Variants in KIAA1217 observed in about 807,000 individuals in gnomAD.
KIAA1217 encodes KIAA1217, also known as sickle tail protein homolog.
KIAA1217 carries 88 observed loss-of-function variants against 163.9 expected under a neutral mutation model. The ratio of observed to expected loss-of-function variants is 0.54; its 90% CI spans 0.45 to 0.64. KIAA1217 has a LOEUF of 0.64. Among genes scored for constraint, KIAA1217 ranks in the 30% least tolerant of loss-of-function variants. KIAA1217 has a pLI of 0.00. For synonymous variants in KIAA1217, 903 were observed against 923.1 expected, an observed-to-expected ratio of 0.98 and a Z score of 0.39; for missense variants, 2,372 against 2,475.0, an observed-to-expected ratio of 0.96 and a Z score of 0.88.
chr10:24,293,639 T>C (rs558001217), intron 2 of KIAA1217, among the ~76,000 whole-genome samples: 61 of 152,350 alleles, frequency 4.0e-4, no homozygotes, highest in Admixed American at 2.2e-3. Context: ...CCTTTGGACT[T>C]GGAGTTCCAG....
At chr10:23,961,909 CT>C (rs1291585840) in intron 1 of KIAA1217, among the ~76,000 whole-genome samples, 18 of 152,118 alleles carry the variant, frequency 1.2e-4, no homozygotes, top group African/African-American at 3.6e-4. Flanking sequence ...CTCTATGTAC[CT>C]GTTTCTGTGT....
intron 11 of KIAA1217, among the ~76,000 whole-genome samples, chr10:24,520,643 AAAAAAAAAATATATATAT>A (rs1417025081): frequency 5.7e-5 from 5 of 88,190 alleles, no homozygotes; most frequent in African/African-American, 3.0e-4. Flanking sequence ...AAAAAAAAAA[AAAAAAAAAATATATATAT>A]ATATATATAT....
intron 1 of KIAA1217, among the ~76,000 whole-genome samples, chr10:23,787,224 G>A (rs1835532729): frequency 6.6e-6 from 1 of 152,098 alleles, no homozygotes; most frequent in South Asian, 2.1e-4. Context: ...TTTAAATATG[G>A]AGTGTGATAA....
At chr10:23,920,002 G>C (rs145071986) in intron 1 of KIAA1217, among the ~76,000 whole-genome samples, 1 of 152,250 alleles carries the variant, frequency 6.6e-6, no homozygotes, top group East Asian at 1.9e-4. Flanking sequence ...CCCAGGGTCA[G>C]TCCTCCAAGA....
intron 9 of KIAA1217, among the ~76,000 whole-genome samples, chr10:24,511,410 C>T (rs761442472): frequency 6.6e-5 from 10 of 151,926 alleles, no homozygotes; most frequent in Non-Finnish European, 1.5e-4. Flanking sequence ...TGGAAGGCTG[C>T]GGCGGGCAGA....
chr10:24,394,910 T>C (rs188257764), intron 3 of KIAA1217, among the ~76,000 whole-genome samples: 2 of 152,318 alleles, frequency 1.3e-5, no homozygotes, highest in East Asian at 3.9e-4. Flanking sequence ...TTCTCAGACT[T>C]TAGCAGGAGA....
chr10:24,160,592 T>C (rs2065076180), intron 2 of KIAA1217, among the ~76,000 whole-genome samples: 1 of 152,214 alleles, frequency 6.6e-6, no homozygotes, highest in Non-Finnish European at 1.5e-5. Context: ...AGTTTCCCTG[T>C]TCTGTTTTGG....
Position 24,156,683 on chromosome 10 carries a change from G to C in KIAA1217, c.-170-62943G>C, listed in dbSNP as rs558167708. 5.9e-5 allele frequency among the ~76,000 whole-genome samples: 9 copies of C among 152,214 alleles called. No homozygotes were observed. The South Asian group carries it at 1.7e-3, about 28-fold the overall frequency. ...CTATCCACCTTCCCTAATCACCCCA[G>C]GGCTGAGTACCAGAAAACTAGGGGC... On this transcript the variant is annotated intron_variant, in intron 2 of 18. Transcript: ENST00000376462.
chr10:23,973,618 G>T (rs1003631200), intron 1 of KIAA1217, among the ~76,000 whole-genome samples: 1 of 152,198 alleles, frequency 6.6e-6, no homozygotes, highest in Non-Finnish European at 1.5e-5. Flanking sequence ...CATCGAGGAA[G>T]ATCAGTTAGC....
rs763651083 is a variant in KIAA1217 at position 23,759,102 on chromosome 10, G to C, written c.-321+63868G>C. 3.0e-4 allele frequency among the ~76,000 whole-genome samples: 46 copies of C among 152,096 alleles called. 1 individual carries two copies. Among genetic ancestry groups the C allele is most frequent in the Admixed American group, 1.3e-4 (2 of 15,270 alleles). On this transcript the variant is annotated intron_variant, in intron 1 of 18. Transcript: ENST00000376462. ...TTCTTCTTTAGTTTGTTTCAGAACTGTTTTATAGTTTCTATTGTTTGTTTT... is the reference window on the plus strand; with the variant it reads ...TTCTTCTTTAGTTTGTTTCAGAACTCTTTTATAGTTTCTATTGTTTGTTTT...
intron 2 of KIAA1217, among the ~76,000 whole-genome samples, chr10:24,223,303 T>C (rs750283590): frequency 1.3e-5 from 2 of 152,154 alleles, no homozygotes; most frequent in Admixed American, 1.3e-4. Context: ...CAACCAGCAT[T>C]GTAAACACCA....
At chr10:24,443,971 G>C (rs980330520) in intron 5 of KIAA1217, among the ~76,000 whole-genome samples, 4 of 151,942 alleles carry the variant, frequency 2.6e-5, no homozygotes, top group African/African-American at 9.7e-5. Context: ...ACTTTTTTGT[G>C]TTTGAAAATT....
chr10:24,216,467 T>C (rs1166125727), intron 1 of KIAA1217, among the ~76,000 whole-genome samples: 1 of 152,196 alleles, frequency 6.6e-6, no homozygotes. Context: ...TTCATCTAGC[T>C]GTCCTGGATA....
intron 2 of KIAA1217, among the ~76,000 whole-genome samples, chr10:24,053,629 AAAAGAAAG>A (rs574713201): frequency 1.3e-5 from 2 of 152,084 alleles, no homozygotes; most frequent in Admixed American, 6.6e-5. Context: ...TCAAAAAATA[AAAAGAAAG>A]AAAGAAAGAA....
chr10:23,752,820 C>G (rs1056577298), intron 1 of KIAA1217, among the ~76,000 whole-genome samples: 3 of 152,144 alleles, frequency 2.0e-5, no homozygotes, highest in Non-Finnish European at 4.4e-5. Context: ...CCATCAGAAA[C>G]CAAAGTGAAT....
intron 17 of KIAA1217, among the ~76,000 whole-genome samples, chr10:24,541,368 G>A (rs1484235574): frequency 1.3e-5 from 2 of 151,954 alleles, no homozygotes; most frequent in Non-Finnish European, 2.9e-5. Flanking sequence ...GTATTTGGTG[G>A]CTCGTGTACC....
chr10:24,538,613 G>GGA, intron 17 of KIAA1217, among the ~76,000 whole-genome samples: 3 of 60,470 alleles, frequency 5.0e-5, no homozygotes, highest in African/African-American at 1.2e-4. Flanking sequence ...AGGAAAAAGA[G>GGA]AGGAAGGAAA....
At chr10:24,539,342 C>T (rs1334192225) in intron 17 of KIAA1217, among the ~76,000 whole-genome samples, 1 of 152,056 alleles carries the variant, frequency 6.6e-6, no homozygotes, top group Non-Finnish European at 1.5e-5. Context: ...GATTCTCGTG[C>T]CTCAGCCTCC....
chr10:24,330,899 C>T (rs374334083), intron 2 of KIAA1217, among the ~76,000 whole-genome samples: 1 of 152,086 alleles, frequency 6.6e-6, no homozygotes, highest in African/African-American at 2.4e-5. Context: ...TATGTGTGAG[C>T]CACTGTGCCC....
Sources: allele counts gnomAD v4.1 joint callset (sites outside exome capture counted in the v4.1 genomes callset), GRCh38; gene constraint gnomAD v4.1.1; transcripts MANE v1.5; gene names NCBI Gene and HGNC (gene_info 2026-07-23, HGNC 2026-07-21).